Variants in GRM7 observed in about 807,000 individuals in gnomAD.
The protein encoded by GRM7 is metabotropic glutamate receptor 7.
In GRM7, 35 loss-of-function variants were observed where a neutral mutation model predicts 84.5. That is an observed-to-expected ratio of 0.41 (90% CI 0.32 to 0.55). The LOEUF (loss-of-function observed/expected upper bound fraction) is 0.55, where lower values mean the gene tolerates loss of function less well. GRM7 is among the 20% of genes least tolerant of loss of function. The probability of loss-of-function intolerance (pLI) is 0.19; values close to 1 mark genes in which losing one functional copy is unlikely to be tolerated. For missense variants in GRM7, 1,003 were observed against 1,194.6 expected (o/e 0.84, Z 2.36); for synonymous variants, 487 against 455.1 (o/e 1.07, Z -0.89).
chr3:7,581,359 C>G (rs1001889690), intron 8 of GRM7, among the ~76,000 whole-genome samples: 1 of 152,038 alleles, frequency 6.6e-6, no homozygotes, highest in Non-Finnish European at 1.5e-5. Flanking sequence ...TTAGAAGGCA[C>G]GTAATTTTCT....
At chr3:7,211,314 C>T (rs1157316356) in intron 2 of GRM7, among the ~76,000 whole-genome samples, 1 of 152,182 alleles carries the variant, frequency 6.6e-6, no homozygotes, top group African/African-American at 2.4e-5. Flanking sequence ...GTAGAAACTC[C>T]TCTTGGACTT....
At chr3:6,946,029 G>T (rs533047352) in intron 1 of GRM7, among the ~76,000 whole-genome samples, 61 of 152,230 alleles carry the variant, frequency 4.0e-4, no homozygotes, top group South Asian at 1.5e-3. Flanking sequence ...CTATGACAGT[G>T]ATTTCTTTTG....
At chr3:7,588,448 G>T (rs1695623148) in intron 8 of GRM7, among the ~76,000 whole-genome samples, 1 of 152,144 alleles carries the variant, frequency 6.6e-6, no homozygotes, top group South Asian at 2.1e-4. Context: ...AAAGTTTTCA[G>T]GTCATAAAGC....
At chr3:7,517,379 TA>T (rs1700431204) in intron 7 of GRM7, among the ~76,000 whole-genome samples, 1 of 151,310 alleles carries the variant, frequency 6.6e-6, no homozygotes, top group Non-Finnish European at 1.5e-5. Flanking sequence ...TTAGTAGTAG[TA>T]GTAGTATTAG....
chr3:6,921,147 T>G (rs1032651276), intron 1 of GRM7, among the ~76,000 whole-genome samples: 2 of 152,154 alleles, frequency 1.3e-5, no homozygotes, highest in African/African-American at 4.8e-5. Flanking sequence ...GGCTTATCTG[T>G]GTGGTTTGGT....
At chr3:7,270,738 C>G (rs1698823707) in intron 2 of GRM7, among the ~76,000 whole-genome samples, 1 of 152,178 alleles carries the variant, frequency 6.6e-6, no homozygotes, top group South Asian at 2.1e-4. Context: ...AAGAAAATGA[C>G]TTTATTAATC....
At chr3:6,929,277 A>G (rs905822509) in intron 1 of GRM7, among the ~76,000 whole-genome samples, 2 of 152,116 alleles carry the variant, frequency 1.3e-5, no homozygotes, top group Non-Finnish European at 2.9e-5. Flanking sequence ...CCTTGTCCCC[A>G]TGACTATTCT....
chr3:6,950,309 A>C (rs1692688647), intron 1 of GRM7, among the ~76,000 whole-genome samples: 1 of 152,144 alleles, frequency 6.6e-6, no homozygotes, highest in Non-Finnish European at 1.5e-5. Flanking sequence ...GTTGGAGTTT[A>C]CTGGAGGTCC....
chr3:7,208,805 G>T (rs1211934527), intron 2 of GRM7, among the ~76,000 whole-genome samples: 2 of 152,158 alleles, frequency 1.3e-5, no homozygotes, highest in African/African-American at 4.8e-5. Flanking sequence ...TAAGAGCAAA[G>T]GTGGTGAACA....
intron 8 of GRM7, among the ~76,000 whole-genome samples, chr3:7,624,429 T>A (rs919038494): frequency 6.6e-6 from 1 of 152,122 alleles, no homozygotes; most frequent in Non-Finnish European, 1.5e-5. Context: ...ACATTTGACT[T>A]TGCGTTAACT....
intron 8 of GRM7, among the ~76,000 whole-genome samples, chr3:7,662,479 T>C (rs1343647706): frequency 6.6e-6 from 1 of 152,130 alleles, no homozygotes; most frequent in Non-Finnish European, 1.5e-5. Flanking sequence ...TGTATGAACC[T>C]TGATTGTATT....
chr3:7,449,160 A>G lies in GRM7; in HGVS notation c.1175-3447A>G, dbSNP rs189121718. 1.6e-3 allele frequency among the ~76,000 whole-genome samples: 238 copies of G among 152,246 alleles called. 2 individuals are homozygous for G. Among genetic ancestry groups the G allele is most frequent in the African/African-American group, 5.6e-3 (231 of 41,564 alleles). Reference sequence around the variant, plus strand: ...GTTGGAAAACAGTAAAACAGCCACAACGTAGCAAAAAATAGCTTTTATATA... The same window carrying G: ...GTTGGAAAACAGTAAAACAGCCACAGCGTAGCAAAAAATAGCTTTTATATA... On this transcript the variant is annotated intron_variant, in intron 5 of 9. Transcript: ENST00000357716.
In GRM7 at chr3:7,569,089, A is replaced by C. The variant is rs910280329; in HGVS notation, c.1516-9333A>C. 9.2e-5 allele frequency among the ~76,000 whole-genome samples: 14 copies of C among 152,048 alleles called. 1 individual carries two copies. The East Asian group carries it at 2.7e-3, about 30-fold the overall frequency. On this transcript the variant is annotated intron_variant, in intron 7 of 9. Coordinates refer to ENST00000357716, the MANE Select transcript of GRM7 (RefSeq NM_000844.4). Reference sequence around the variant, plus strand: ...GTGGGGACTTACTTGGAGAACCTTTATGTCTAGCTAAGGGATTGTAAATAC... The same window carrying C: ...GTGGGGACTTACTTGGAGAACCTTTCTGTCTAGCTAAGGGATTGTAAATAC...
chr3:7,457,381 A>G (rs1698063207), intron 6 of GRM7, among the ~76,000 whole-genome samples: 1 of 152,162 alleles, frequency 6.6e-6, no homozygotes, highest in Non-Finnish European at 1.5e-5. Context: ...TGCATCCCAA[A>G]TCAAAGCAAA....
At chr3:7,674,711 C>T (rs930882112) in intron 8 of GRM7, among the ~76,000 whole-genome samples, 8 of 152,168 alleles carry the variant, frequency 5.3e-5, no homozygotes, top group African/African-American at 1.9e-4. Context: ...TGCCTTCCTC[C>T]TGCAACTAGA....
In GRM7 at chr3:6,895,096, G is replaced by A. The variant is rs187229571; in HGVS notation, c.519+33189G>A. ...TGCTCTTTGTCTATGAACCAGAGAA[G>A]GTGCCAATAGATGAACCAGGTCACA... On this transcript the variant is annotated intron_variant, in intron 1 of 9. Transcript: ENST00000357716. Among the ~76,000 whole-genome samples the A allele has an allele frequency of 3.2e-3, 487 of 152,238 alleles. 6 individuals are homozygous for A. Among genetic ancestry groups the A allele is most frequent in the Non-Finnish European group, 5.4e-3 (366 of 68,006 alleles).
chr3:6,988,933 C>T lies in GRM7; in HGVS notation c.519+127026C>T, dbSNP rs73812005. On this transcript the variant is annotated intron_variant, in intron 1 of 9. Coordinates refer to ENST00000357716, the MANE Select transcript of GRM7 (RefSeq NM_000844.4). ...TCAATTTGATTTGTGAGAAATTAAT[C>T]GGTATTATTGTCAAAAAAATAAATA... is the stretch of plus-strand genomic sequence containing the variant. 5.3e-3 allele frequency among the ~76,000 whole-genome samples: 807 copies of T among 152,218 alleles called. 6 individuals carry two copies. The highest frequency in any genetic ancestry group is 0.018 in the African/African-American group (761 of 41,546).
chr3:7,332,717 G>T (rs1701254898), intron 4 of GRM7, among the ~76,000 whole-genome samples: 1 of 152,094 alleles, frequency 6.6e-6, no homozygotes, highest in African/African-American at 2.4e-5. Flanking sequence ...GAACATACCA[G>T]GAAAACTGAA....
intron 2 of GRM7, among the ~76,000 whole-genome samples, chr3:7,243,392 G>A (rs918924566): frequency 2.0e-5 from 3 of 152,046 alleles, no homozygotes; most frequent in African/African-American, 7.2e-5. Flanking sequence ...TGTCTCTCAT[G>A]TATGTTGGCT....
Sources: gnomAD v4.1 joint callset for allele counts (sites outside exome capture counted in the v4.1 genomes callset) on GRCh38, gnomAD v4.1.1 for gene constraint, MANE v1.5 for transcripts, NCBI Gene and HGNC (gene_info 2026-07-23, HGNC 2026-07-21) for gene names.